The following LRBA variants were observed in gnomAD, a reference collection of about 807,000 sequenced individuals.
The protein encoded by LRBA is LPS responsive beige-like anchor protein.
A neutral mutation model predicts 330.0 loss-of-function variants in LRBA; 176 were observed. That is an observed-to-expected ratio of 0.53 (90% confidence interval 0.47 to 0.60). The LOEUF (loss-of-function observed/expected upper bound fraction) is 0.60, where lower values mean the gene tolerates loss of function less well. LRBA is among the 20% of genes least tolerant of loss of function. The pLI is 0.00. For synonymous variants in LRBA, 1,230 were observed against 1,193.0 expected, an observed-to-expected ratio of 1.03 and a Z score of -0.64; for missense variants, 3,259 against 3,444.8, an observed-to-expected ratio of 0.95 and a Z score of 1.35.
chr4:150,750,342 A>T (rs562339191), intron 35 of LRBA, among the ~76,000 whole-genome samples: 52 of 152,320 alleles, frequency 3.4e-4, no homozygotes, highest in Admixed American at 9.2e-4. Context: ...ATGATAAAAA[A>T]TGAGTGCCAT....
intron 50 of LRBA, among the ~76,000 whole-genome samples, chr4:150,317,656 T>C (rs1022940717): frequency 1.3e-5 from 2 of 152,130 alleles, no homozygotes; most frequent in Non-Finnish European, 2.9e-5. Flanking sequence ...CAATCAACAT[T>C]AATACCTTTA....
chr4:150,487,728 G>A lies in LRBA; in HGVS notation c.6551+4C>T. The A allele has an allele frequency of 4.4e-6, 7 of 1,575,950 alleles. No homozygotes were observed. The highest frequency in any genetic ancestry group is 6.1e-6 in the Non-Finnish European group (7 of 1,151,010). ...TTCCCTAAGTTTCTCATATAAAACA[G>A]TACCTGGTTTGAGGCAATCCAAAAC... On this transcript the variant is annotated splice_donor_region_variant and intron_variant, in intron 42 of 56. Transcript: ENST00000651943.
chr4:150,646,874 C>T (rs546229462), intron 37 of LRBA, among the ~76,000 whole-genome samples: 4 of 151,782 alleles, frequency 2.6e-5, no homozygotes, highest in South Asian at 2.1e-4. Context: ...AATGTTTGAG[C>T]GGTAAGTATA....
intron 56 of LRBA, among the ~76,000 whole-genome samples, chr4:150,268,585 G>A (rs1745663488): frequency 6.6e-6 from 1 of 152,154 alleles, no homozygotes; most frequent in African/African-American, 2.4e-5. Flanking sequence ...GGAATGCAAG[G>A]ATGACTCACC....
intron 8 of LRBA, among the ~76,000 whole-genome samples, chr4:150,914,634 A>G (rs1000236466): frequency 3.3e-5 from 5 of 152,266 alleles, no homozygotes; most frequent in Admixed American, 2.0e-4. Context: ...TACTTCACCT[A>G]TCTGTAAAAT....
At chr4:150,361,475 T>C (rs949932620) in intron 47 of LRBA, among the ~76,000 whole-genome samples, 6 of 152,214 alleles carry the variant, frequency 3.9e-5, no homozygotes, top group African/African-American at 1.4e-4. Context: ...CTGAATCCAG[T>C]GTATGCTCAT....
rs58013900 is a variant in LRBA at position 150,685,421 on chromosome 4, T to TATATATATATATA, written c.5755-1705_5755-1704insTATATATATATAT. 5.9e-3 allele frequency among the ~76,000 whole-genome samples: 65 copies of TATATATATATATA among 11,038 alleles called. 2 individuals carry two copies. The highest frequency in any genetic ancestry group is 0.012 in the South Asian group (2 of 164). The allele number at this position is 11,038 out of a possible 152,430, so 7.2% of individuals were successfully genotyped here. A position where few individuals can be genotyped will look rare whatever the true frequency, so the allele number is the denominator to read the frequency against. The stretch of plus-strand genomic sequence containing the variant: ...ATATATATATATATATATATATATA[T>TATATATATATATA]TTTTTTTTTTTTTTTTTTTTTTTTT... On this transcript the variant is annotated intron_variant, in intron 36 of 56. Coordinates refer to ENST00000651943, the MANE Select transcript of LRBA (RefSeq NM_001364905.1).
intron 40 of LRBA, among the ~76,000 whole-genome samples, chr4:150,498,174 A>C (rs1274617651): frequency 6.6e-6 from 1 of 152,228 alleles, no homozygotes; most frequent in Non-Finnish European, 1.5e-5. Context: ...TGTGGCACAC[A>C]GATTTATGGC....
At chr4:150,913,850 G>C (rs1233787019) in intron 9 of LRBA, among the ~76,000 whole-genome samples, 1 of 151,998 alleles carries the variant, frequency 6.6e-6, no homozygotes, top group Non-Finnish European at 1.5e-5. Context: ...CTCTTCTCTG[G>C]TTACCATTTG....
intron 40 of LRBA, among the ~76,000 whole-genome samples, chr4:150,504,397 A>G (rs1397321535): frequency 6.6e-6 from 1 of 152,244 alleles, no homozygotes; most frequent in African/African-American, 2.4e-5. Flanking sequence ...CTGATCTTTC[A>G]GCAGAAACTC....
intron 36 of LRBA, among the ~76,000 whole-genome samples, chr4:150,731,024 C>A (rs910739259): frequency 6.6e-6 from 1 of 151,906 alleles, no homozygotes; most frequent in Non-Finnish European, 1.5e-5. Flanking sequence ...TCTCAAAAAA[C>A]AAAACAAAAC....
intron 9 of LRBA, among the ~76,000 whole-genome samples, chr4:150,913,753 C>A (rs1303184062): frequency 6.6e-6 from 1 of 152,016 alleles, no homozygotes; most frequent in Non-Finnish European, 1.5e-5. Flanking sequence ...GTGAACTGAC[C>A]CTATCATCAT....
In LRBA at chr4:150,584,029, G is replaced by T. The variant is rs543223781; in HGVS notation, c.6330+4019C>A. The T allele has an allele frequency of 2.5e-6, 4 of 1,612,348 alleles. No homozygotes were observed. In the African/African-American group the frequency reaches 5.3e-5, roughly 21 times the overall value. Reference sequence around the variant, plus strand: ...CCTCTTTCAGGGCAAGCCCCATTCGGCCCTGGAGAGCGCTGCCAAGCAGAC... The same window carrying T: ...CCTCTTTCAGGGCAAGCCCCATTCGTCCCTGGAGAGCGCTGCCAAGCAGAC... On this transcript the variant is annotated intron_variant, in intron 40 of 56. Coordinates refer to ENST00000651943, the MANE Select transcript of LRBA (RefSeq NM_001364905.1).
intron 44 of LRBA, among the ~76,000 whole-genome samples, chr4:150,465,874 T>C (rs1755384852): frequency 6.6e-6 from 1 of 152,008 alleles, no homozygotes; most frequent in Non-Finnish European, 1.5e-5. Flanking sequence ...GATACAGAAA[T>C]TAACAAAACA....
intron 48 of LRBA, among the ~76,000 whole-genome samples, chr4:150,337,444 C>A (rs1734904668): frequency 6.6e-6 from 1 of 152,120 alleles, no homozygotes; most frequent in South Asian, 2.1e-4. Context: ...GCTTTACTGA[C>A]AACTTTGATG....
chr4:150,326,722 A>G (rs1453844188), intron 48 of LRBA, among the ~76,000 whole-genome samples: 1 of 152,222 alleles, frequency 6.6e-6, no homozygotes, highest in Non-Finnish European at 1.5e-5. Flanking sequence ...GACCTTATGT[A>G]TCTTCTTCAC....
Position 150,908,778 on chromosome 4 carries a change from G to C in LRBA, c.1241C>G (p.Ser414Cys). ...ATTGTACGTGAATGCAATGGCACTA[G>C]AGAGTTTCCCATCGTACAATAAAAG... ...HKLLLYDGKL[S>C]SAIAFTYNPR... Residue 414 changes from serine to cysteine, a missense_variant, in exon 10 of 57, where the codon TCT becomes TGT. By Grantham distance (112) the Ser-to-Cys change is moderately radical. Transcript: ENST00000651943. 1.9e-6 allele frequency: 3 copies of C among 1,613,910 alleles called. No homozygotes were observed. Among genetic ancestry groups the C allele is most frequent in the Non-Finnish European group, 1.7e-6 (2 of 1,179,834 alleles).
intron 36 of LRBA, among the ~76,000 whole-genome samples, chr4:150,696,927 T>C (rs1784667359): frequency 6.6e-6 from 1 of 150,608 alleles, no homozygotes; most frequent in Admixed American, 6.6e-5. Context: ...GGTGGGAGGA[T>C]TCCTTGAGCC....
chr4:150,970,233 C>G (rs1432934651), intron 2 of LRBA, among the ~76,000 whole-genome samples: 3 of 152,004 alleles, frequency 2.0e-5, no homozygotes, highest in African/African-American at 7.3e-5. Flanking sequence ...GGTGTGATGG[C>G]TCACATCTGT....
Sources: allele counts gnomAD v4.1 joint callset (sites outside exome capture counted in the v4.1 genomes callset), GRCh38; gene constraint gnomAD v4.1.1; transcripts MANE v1.5; gene names NCBI Gene and HGNC (gene_info 2026-07-23, HGNC 2026-07-21).